KIAA0825: variants seen among roughly 807,000 people sequenced by gnomAD.
The protein encoded by KIAA0825 is uncharacterized protein KIAA0825.
Under a neutral mutation model 147.6 loss-of-function variants are expected in KIAA0825, and 119 were observed. The ratio of observed to expected loss-of-function variants is 0.81; its 90% confidence interval spans 0.69 to 0.94. The LOEUF (loss-of-function observed/expected upper bound fraction) is 0.94, where lower values mean the gene tolerates loss of function less well. KIAA0825 is among the 40% of genes least tolerant of loss of function. The pLI, the probability that KIAA0825 is intolerant of heterozygous loss-of-function variation, is 0.00. For synonymous variants in KIAA0825, 470 were observed against 518.1 expected (o/e 0.91, Z 1.26); for missense variants, 1,381 against 1,472.7 (o/e 0.94, Z 1.02).
chr5:94,474,305 A>G (rs958636742), intron 7 of KIAA0825, among the ~76,000 whole-genome samples: 1 of 152,142 alleles, frequency 6.6e-6, no homozygotes. Flanking sequence ...GTCTCCTAAC[A>G]TTCTCTAAAG....
At position 94,471,465 on chromosome 5, in the gene KIAA0825, C is replaced by T. The variant is rs533181653; in HGVS notation, c.1721+1G>A. 1 of 1,551,678 alleles carries T rather than the reference C, an allele frequency of 6.4e-7. No homozygotes were observed. The highest frequency in any genetic ancestry group is 8.7e-7 in the Non-Finnish European group (1 of 1,146,840). ...ATCATCTTAATTTAAACAACACTCACTTTTTAGTCATTTCCTTCATCAAAT... is the reference window on the plus strand; with the variant it reads ...ATCATCTTAATTTAAACAACACTCATTTTTTAGTCATTTCCTTCATCAAAT... On this transcript the variant is annotated splice_donor_variant, in intron 9 of 20. Transcript: ENST00000682413. LOFTEE classifies it high-confidence loss of function.
intron 2 of KIAA0825, among the ~76,000 whole-genome samples, chr5:94,554,431 C>T (rs1395088588): frequency 6.6e-6 from 1 of 151,922 alleles, no homozygotes; most frequent in Non-Finnish European, 1.5e-5. Context: ...ATAAACCGAC[C>T]CGGTCACCAT....
chr5:94,535,612 T>G (rs765956968), intron 3 of KIAA0825, among the ~76,000 whole-genome samples: 1 of 152,104 alleles, frequency 6.6e-6, no homozygotes, highest in Non-Finnish European at 1.5e-5. Flanking sequence ...TTTGTCAGCT[T>G]TGTGACCCAA....
chr5:94,460,957 T>C lies in KIAA0825; in HGVS notation c.2246+1430A>G, dbSNP rs187159238. On this transcript the variant is annotated intron_variant, in intron 12 of 20. Transcript: ENST00000682413. Reference sequence around the variant, plus strand: ...GCAATATAGTTATCTATGTTTTACATTAAGAAAAACCAGAGGCAGTGCTTA... The same window carrying C: ...GCAATATAGTTATCTATGTTTTACACTAAGAAAAACCAGAGGCAGTGCTTA... 1.4e-3 allele frequency among the ~76,000 whole-genome samples: 214 copies of C among 152,140 alleles called. 2 individuals are homozygous for C. Among genetic ancestry groups the C allele is most frequent in the African/African-American group, 4.5e-3 (189 of 41,560 alleles).
intron 20 of KIAA0825, among the ~76,000 whole-genome samples, chr5:94,179,613 A>C (rs1420356415): frequency 6.6e-6 from 1 of 152,076 alleles, no homozygotes; most frequent in Non-Finnish European, 1.5e-5. Context: ...TCTCCAATAA[A>C]AGAAACAGGA....
intron 1 of KIAA0825, among the ~76,000 whole-genome samples, chr5:94,601,183 T>A (rs1164238323): frequency 6.6e-6 from 1 of 152,116 alleles, no homozygotes; most frequent in Non-Finnish European, 1.5e-5. Context: ...CAATAACAGG[T>A]CTGTACCCCT....
intron 12 of KIAA0825, among the ~76,000 whole-genome samples, chr5:94,457,830 G>T (rs149711042): frequency 6.6e-6 from 1 of 152,244 alleles, no homozygotes; most frequent in Admixed American, 6.5e-5. Context: ...CTCATAATAC[G>T]ATGTTAATGG....
intron 13 of KIAA0825, among the ~76,000 whole-genome samples, chr5:94,440,752 G>A (rs1296193865): frequency 6.6e-6 from 1 of 151,826 alleles, no homozygotes; most frequent in Non-Finnish European, 1.5e-5. Context: ...TATCAGTGTT[G>A]AACAGAAAAT....
chr5:94,168,740 A>C (rs1378711266), intron 20 of KIAA0825, among the ~76,000 whole-genome samples: 2 of 152,198 alleles, frequency 1.3e-5, no homozygotes, highest in Non-Finnish European at 2.9e-5. Context: ...GAGAAGTGTC[A>C]GGACTACTAT....
chr5:94,211,317 G>T (rs1190390232), intron 20 of KIAA0825, among the ~76,000 whole-genome samples: 1 of 152,140 alleles, frequency 6.6e-6, no homozygotes, highest in South Asian at 2.1e-4. Context: ...ATGCATGGAA[G>T]TTTCTCCACA....
Position 94,477,132 on chromosome 5 carries a change from C to T in KIAA0825, c.1206G>A (p.Glu402=), listed in dbSNP as rs1761984615. The T allele has an allele frequency of 6.5e-7, 1 of 1,550,244 alleles. No homozygotes were observed. Among genetic ancestry groups the T allele is most frequent in the Non-Finnish European group, 8.7e-7 (1 of 1,146,470 alleles). ...PRANETNIPS[E]QSLPGKEATL... ...TTACCTCTTTTCCTGGTAGTGATTG[C>T]TCGGAAGGAATATTGGTTTCGTTTG... The change falls in exon 7 of 21, where the codon GAG becomes GAA. Residue 402 remains glutamate (E), a synonymous_variant. Transcript: ENST00000682413.
intron 20 of KIAA0825, among the ~76,000 whole-genome samples, chr5:94,311,769 C>T (rs1042388566): frequency 3.9e-4 from 59 of 151,732 alleles, no homozygotes; most frequent in African/African-American, 1.3e-3. Flanking sequence ...TCATCTTTCA[C>T]TCTGCAGATA....
chr5:94,442,170 G>C (rs1212843013), intron 13 of KIAA0825, among the ~76,000 whole-genome samples: 1 of 152,148 alleles, frequency 6.6e-6, no homozygotes, highest in Non-Finnish European at 1.5e-5. Context: ...ACAAAAGTGA[G>C]AAGATTCAAA....
At chr5:94,366,747 C>T (rs1339461652) in intron 20 of KIAA0825, among the ~76,000 whole-genome samples, 1 of 152,170 alleles carries the variant, frequency 6.6e-6, no homozygotes, top group Non-Finnish European at 1.5e-5. Context: ...AGCACTTGGA[C>T]ATAAATTTAA....
intron 3 of KIAA0825, 106 bp from the exon 4 acceptor site, chr5:94,524,204 C>T (rs1345404164): frequency 7.3e-6 from 4 of 548,386 alleles, no homozygotes; most frequent in Non-Finnish European, 6.0e-6. Context: ...TGGCTTTGTA[C>T]AATTTACAAA....
chr5:94,458,991 C>T (rs1394048498), intron 12 of KIAA0825, among the ~76,000 whole-genome samples: 1 of 152,140 alleles, frequency 6.6e-6, no homozygotes, highest in East Asian at 1.9e-4. Context: ...CCCTCCTCCC[C>T]TCAGCTTCTG....
At chr5:94,267,891 A>T in intron 20 of KIAA0825, among the ~76,000 whole-genome samples, 1 of 152,154 alleles carries the variant, frequency 6.6e-6, no homozygotes, top group East Asian at 1.9e-4. Flanking sequence ...ATTAGGACCC[A>T]CAATTAGGCA....
At chr5:94,281,826 C>T (rs1777482095) in intron 20 of KIAA0825, among the ~76,000 whole-genome samples, 1 of 152,118 alleles carries the variant, frequency 6.6e-6, no homozygotes, top group South Asian at 2.1e-4. Context: ...GTCTCAGCAG[C>T]AGCTGCTGTA....
chr5:94,429,667 G>C (rs1014928892), intron 14 of KIAA0825, among the ~76,000 whole-genome samples: 2 of 152,148 alleles, frequency 1.3e-5, no homozygotes, highest in African/African-American at 2.4e-5. Context: ...ACTCAGCCCT[G>C]GGGGGTGGCA....
Sources: allele counts gnomAD v4.1 joint callset (sites outside exome capture counted in the v4.1 genomes callset), GRCh38; gene constraint gnomAD v4.1.1; transcripts MANE v1.5; gene names NCBI Gene and HGNC (gene_info 2026-07-23, HGNC 2026-07-21).